The following FCSK variants were observed in gnomAD, a reference collection of about 807,000 sequenced individuals.
FCSK encodes the protein fucose kinase.
In FCSK, 123 loss-of-function variants were observed where a neutral mutation model predicts 122.5. The ratio of observed to expected loss-of-function variants is 1.00; its 90% CI spans 0.87 to 1.17. FCSK has a LOEUF of 1.17. Among genes scored for constraint, FCSK ranks in the 50% most tolerant of loss-of-function variants. The pLI is 0.00. For synonymous variants in FCSK, 620 were observed against 625.5 expected, an observed-to-expected ratio of 0.99 and a Z score of 0.13; for missense variants, 1,366 against 1,450.4, an observed-to-expected ratio of 0.94 and a Z score of 0.95.
rs147798544 is a variant in FCSK at position 70,471,708 on chromosome 16, C to G, written c.1341+356C>G. Among the ~76,000 whole-genome samples, 3 of 152,292 alleles carry G rather than the reference C, an allele frequency of 2.0e-5. No homozygotes were observed. In the East Asian group the frequency reaches 5.8e-4, roughly 29 times the overall value. ...CTGCCTCCCAGGTTCAAGCGATTCT[C>G]CTGCCTCAGCCTCACGAATAGCTGG... On this transcript the variant is annotated intron_variant, in intron 13 of 23. Coordinates refer to ENST00000288078, the MANE Select transcript of FCSK (RefSeq NM_145059.3).
At chr16:70,454,660 G>A (rs1289637078) in intron 1 of FCSK, 30 bp downstream of exon 1, 1 of 140,036 alleles carries the variant, frequency 7.1e-6, no homozygotes, top group Non-Finnish European at 1.5e-5. Flanking sequence ...TCGCCGCAGC[G>A]CCCCTTGCGC....
chr16:70,455,896 A>C (rs1348448520), intron 1 of FCSK, among the ~76,000 whole-genome samples: 1 of 152,100 alleles, frequency 6.6e-6, no homozygotes, highest in Non-Finnish European at 1.5e-5. Flanking sequence ...CTCAAAAAAA[A>C]AAAAAGCCAG....
chr16:70,478,530 C>CA (rs2048887772), intron 21 of FCSK, 21 bp from the exon 22 acceptor site: 2 of 1,613,570 alleles, frequency 1.2e-6, no homozygotes, highest in African/African-American at 1.3e-5. Context: ...CTCACCACCC[C>CA]TTCTCCTGCC....
rs1375400794 is a variant in FCSK, at chr16:70,469,343, T to A, written c.955+20T>A. ...CCATGGGTGGGTACTGCCTCTCAGC[T>A]CCCTGGGGTGGGGAGACCATGGGAG... is the stretch of plus-strand genomic sequence containing the variant. On this transcript the variant is annotated intron_variant, in intron 10 of 23. Coordinates refer to ENST00000288078, the MANE Select transcript of FCSK (RefSeq NM_145059.3). 1.9e-6 allele frequency: 3 copies of A among 1,565,626 alleles called. No individual in the cohort carries two copies. The highest frequency in any genetic ancestry group is 2.6e-6 in the Non-Finnish European group (3 of 1,159,754).
chr16:70,461,164 A>C (rs2048252791), intron 1 of FCSK, among the ~76,000 whole-genome samples: 1 of 152,200 alleles, frequency 6.6e-6, no homozygotes, highest in Non-Finnish European at 1.5e-5. Context: ...TGGCACTGGA[A>C]TAGCCTGTGG....
intron 21 of FCSK, 39 bp from the exon 22 acceptor site, chr16:70,478,512 C>T (rs372580090): frequency 1.2e-6 from 2 of 1,613,190 alleles, no homozygotes; most frequent in African/African-American, 1.3e-5. Flanking sequence ...GCCAGCTGGG[C>T]CTGGGTCCTC....
At chr16:70,478,882 G>GGGAA in intron 22 of FCSK, 1 of 699,044 alleles carries the variant, frequency 1.4e-6, no homozygotes, top group Non-Finnish European at 2.6e-6. Context: ...AAGCAGAGAG[G>GGGAA]GGAAGGGACT....
intron 8 of FCSK, 122 bp from the exon 9 acceptor site, chr16:70,468,727 T>C: frequency 1.6e-6 from 2 of 1,264,726 alleles, no homozygotes; most frequent in Non-Finnish European, 1.1e-6. Context: ...GGTCAGAAGG[T>C]GACACTCCCT....
chr16:70,478,669 G>T lies in FCSK; in HGVS notation c.2929+19G>T, dbSNP rs901465911. ...CGCCAAGGTGAGGGGCTTCCTCTGG[G>T]GGGGTCAGGGCACTGGGAGCGAGTA... On this transcript the variant is annotated intron_variant, in intron 22 of 23. Coordinates refer to ENST00000288078, the MANE Select transcript of FCSK (RefSeq NM_145059.3). 1 of 1,603,820 alleles carries T rather than the reference G, an allele frequency of 6.2e-7. No individual in the cohort carries two copies. The highest frequency in any genetic ancestry group is 1.1e-5 in the South Asian group (1 of 90,762).
chr16:70,467,879 C>A lies in FCSK; in HGVS notation c.583-7C>A. 1 of 1,613,266 alleles carries A rather than the reference C, an allele frequency of 6.2e-7. No individual in the cohort carries two copies. The highest frequency in any genetic ancestry group is 8.5e-7 in the Non-Finnish European group (1 of 1,179,196). ...CCTCCGCTGATTCTGTTTCTCCCTG[C>A]ACATAGGGCCTTGTTTTGGACATTT... is the stretch of plus-strand genomic sequence containing the variant. On this transcript the variant is annotated splice_polypyrimidine_tract_variant and splice_region_variant and intron_variant, in intron 7 of 23. Coordinates refer to ENST00000288078, the MANE Select transcript of FCSK (RefSeq NM_145059.3).
In FCSK at chr16:70,466,123, G is replaced by A. The variant is rs201285613; in HGVS notation, c.286-9G>A. On this transcript the variant is annotated splice_polypyrimidine_tract_variant and intron_variant, in intron 4 of 23. Coordinates refer to ENST00000288078, the MANE Select transcript of FCSK (RefSeq NM_145059.3). ...ACTGAGGCTTCCTCACCAGTCCCCCGACTTCCAGGGTCGAGACTTCCCCTT... is the reference window on the plus strand; with the variant it reads ...ACTGAGGCTTCCTCACCAGTCCCCCAACTTCCAGGGTCGAGACTTCCCCTT... 1.6e-3 allele frequency: 2,626 copies of A among 1,613,016 alleles called. 1 individual carries two copies. Among genetic ancestry groups the A allele is most frequent in the Non-Finnish European group, 2.1e-3 (2,448 of 1,179,272 alleles).
In FCSK at chr16:70,475,335, C is replaced by G. The variant is rs2048772005; in HGVS notation, c.2378-15C>G. 1.9e-6 allele frequency: 3 copies of G among 1,608,280 alleles called. No individual in the cohort carries two copies. The South Asian group carries it at 3.3e-5, about 18-fold the overall frequency. On this transcript the variant is annotated splice_polypyrimidine_tract_variant and intron_variant, in intron 18 of 23. Coordinates refer to ENST00000288078, the MANE Select transcript of FCSK (RefSeq NM_145059.3). Reference sequence around the variant, plus strand: ...ATCGAGACTGAATTCCTTTCTCATGCCTGTCCTTCTGCAGGGGCCCTGCTG... The same window carrying G: ...ATCGAGACTGAATTCCTTTCTCATGGCTGTCCTTCTGCAGGGGCCCTGCTG...
chr16:70,462,081 A>G (rs367737587), intron 1 of FCSK: 6 of 152,370 alleles, frequency 3.9e-5, no homozygotes, highest in African/African-American at 1.4e-4. Context: ...ACTTGGATAC[A>G]TCTCAGAGGC....
At chr16:70,475,617 TC>T in intron 19 of FCSK, 30 bp from the exon 20 acceptor site, 1 of 1,573,252 alleles carries the variant, frequency 6.4e-7, no homozygotes, top group Non-Finnish European at 8.7e-7. Flanking sequence ...TGGAGGTGTT[TC>T]ATGTCTGCTC....
chr16:70,468,271 T>G (rs1185365466), intron 8 of FCSK, among the ~76,000 whole-genome samples: 1 of 152,114 alleles, frequency 6.6e-6, no homozygotes, highest in Non-Finnish European at 1.5e-5. Context: ...AATACAACAA[T>G]TAGCTGAGCA....
chr16:70,466,807 T>C (rs2048431916), intron 5 of FCSK, 75 bp from the exon 6 acceptor site: 1 of 1,350,922 alleles, frequency 7.4e-7, no homozygotes, highest in Non-Finnish European at 1.0e-6. Flanking sequence ...AACAGCACAG[T>C]ATCCTTGGGC....
chr16:70,475,368 C>T lies in FCSK; in HGVS notation c.2396C>T (p.Ala799Val), dbSNP rs1228250201. 2 of 1,610,690 alleles carry T rather than the reference C, an allele frequency of 1.2e-6. No individual in the cohort carries two copies. The highest frequency in any genetic ancestry group is 1.7e-6 in the Non-Finnish European group (2 of 1,179,900). Reference protein sequence around the residue: ...PHAPGALLKAAFICAGIVHVH... With the variant: ...PHAPGALLKAVFICAGIVHVH... ...TCTGCAGGGGCCCTGCTGAAGGCGG[C>T]CTTCATCTGTGCAGGGATCGTGCAT... The change falls in exon 19 of 24, where the codon GCC (alanine) becomes GTC (valine). Residue 799 changes from alanine to valine, a missense_variant. Physicochemically the swap from Ala to Val is moderately conservative, Grantham distance 64. Coordinates refer to ENST00000288078, the MANE Select transcript of FCSK (RefSeq NM_145059.3).
In FCSK at chr16:70,466,222, A is replaced by G; in HGVS notation, c.376A>G (p.Asn126Asp). 1 of 1,613,936 alleles carries G rather than the reference A, an allele frequency of 6.2e-7. No individual in the cohort carries two copies. The highest frequency in any genetic ancestry group is 1.6e-4 in the Middle Eastern group (1 of 6,062). Residue 126 changes from asparagine (N) to aspartate (D), a missense_variant, in exon 5 of 24, where the codon AAC becomes GAC. Physicochemically the swap from Asn to Asp is conservative, Grantham distance 23 (BLOSUM62 1). Coordinates refer to ENST00000288078, the MANE Select transcript of FCSK (RefSeq NM_145059.3). ...GGCCCCCGTGGAAGCCTTGGTCTGC[A>G]ACCTGGACTGCCTGCTGGACATCAT... ...PEAPVEALVC[N>D]LDCLLDIMTY...
At position 70,473,460 on chromosome 16, in the gene FCSK, C is replaced by A; in HGVS notation, c.1777+107C>A. 1 of 1,293,034 alleles carries A rather than the reference C, an allele frequency of 7.7e-7. No individual in the cohort carries two copies. The highest frequency in any genetic ancestry group is 1.0e-6 in the Non-Finnish European group (1 of 976,074). The allele number at this position is 1,293,034 out of a possible 1,614,324, so 80.1% of individuals were successfully genotyped here. A position where few individuals can be genotyped will look rare whatever the true frequency, so the allele number is the denominator to read the frequency against. On this transcript the variant is annotated intron_variant, in intron 15 of 23. Transcript: ENST00000288078. The surrounding 1 kb of genome is among the most constrained non-coding windows in gnomAD (Gnocchi z 4.9). ...ACTAGGGGACCATGAGGTGCTCAAG[C>A]AGGGAAGGGGCATGCTGGAGTTTAC...
Sources: gnomAD v4.1 joint callset for allele counts (sites outside exome capture counted in the v4.1 genomes callset) on GRCh38, gnomAD v4.1.1 for gene constraint, Gnocchi (gnomAD v3.1) non-coding constraint, MANE v1.5 for transcripts, NCBI Gene and HGNC (gene_info 2026-07-23, HGNC 2026-07-21) for gene names.